Variants in PTPRS observed in about 807,000 individuals in gnomAD.
The protein encoded by PTPRS is receptor-type tyrosine-protein phosphatase S.
In PTPRS, 63 loss-of-function variants were observed where a neutral mutation model predicts 215.3. That is an observed-to-expected ratio of 0.29 (90% CI 0.24 to 0.36). PTPRS has a LOEUF of 0.36. Ranked by LOEUF, PTPRS falls within the 10% of genes least tolerant of loss-of-function variation. The pLI, the probability that PTPRS is intolerant of heterozygous loss-of-function variation, is 1.00. For synonymous variants in PTPRS, 1,404 were observed against 1,191.4 expected, an observed-to-expected ratio of 1.18 and a Z score of -3.68; for missense variants, 2,258 against 2,825.8, an observed-to-expected ratio of 0.80 and a Z score of 4.56.
At chr19:5,252,122 T>C (rs1048999819) in intron 9 of PTPRS, among the ~76,000 whole-genome samples, 2 of 152,134 alleles carry the variant, frequency 1.3e-5, no homozygotes, top group Admixed American at 1.3e-4. Context: ...TCACAAATAC[T>C]GAAAAAGAAG....
At chr19:5,264,005 G>A (rs887281333) in intron 5 of PTPRS, among the ~76,000 whole-genome samples, 20 of 152,184 alleles carry the variant, frequency 1.3e-4, no homozygotes, top group African/African-American at 4.8e-4. Flanking sequence ...CCAGACAGAT[G>A]GACCCACAGA....
intron 1 of PTPRS, among the ~76,000 whole-genome samples, chr19:5,313,460 G>A (rs1203927908): frequency 5.0e-4 from 76 of 152,166 alleles, no homozygotes; most frequent in Non-Finnish European, 2.1e-4. Flanking sequence ...GCTGGGGAGC[G>A]AGGCGGCTGG....
Position 5,302,939 on chromosome 19 carries a change from G to A in PTPRS, c.-94-16705C>T, listed in dbSNP as rs1451783251. Among the ~76,000 whole-genome samples, 9 of 151,398 alleles carry A rather than the reference G, an allele frequency of 5.9e-5. No individual in the cohort carries two copies. In the South Asian group the frequency reaches 6.3e-4, roughly 11 times the overall value. On this transcript the variant is annotated intron_variant, in intron 1 of 37. Transcript: ENST00000262963. ...AAAAAAATTAGCCAGGTGTGGTGGC[G>A]GGCGCCTGTAGTCCCAGCTACTCGG...
At chr19:5,207,863 AGCTTAGGG>A in intron 37 of PTPRS, 51 bp downstream of exon 37, 1 of 1,589,722 alleles carries the variant, frequency 6.3e-7, no homozygotes, top group Non-Finnish European at 8.6e-7. Flanking sequence ...AGGAAACTGG[AGCTTAGGG>A]GCAGTCGGGG....
chr19:5,223,139 G>C lies in PTPRS; in HGVS notation c.2653C>G (p.Pro885Ala). 1 of 1,571,342 alleles carries C rather than the reference G, an allele frequency of 6.4e-7. No individual in the cohort carries two copies. ...STPLATLEFP[P>A]SEDRYTASGV... ...GATGCCGTGTAGCGGTCCTCGGAGG[G>C]CGGGAACTCCAGGGTGGCCAGGGGC... The change falls in exon 18 of 38, where the codon CCC (proline) becomes GCC (alanine). Residue 885 changes from proline to alanine, a missense_variant. Transcript: ENST00000262963.
At chr19:5,328,695 T>C (rs1183600573) in intron 1 of PTPRS, among the ~76,000 whole-genome samples, 4 of 151,744 alleles carry the variant, frequency 2.6e-5, no homozygotes, top group African/African-American at 4.8e-5. Flanking sequence ...TTTGGGAGGC[T>C]GAGACAGGTG....
chr19:5,297,795 T>C (rs530136056), intron 1 of PTPRS, among the ~76,000 whole-genome samples: 184 of 124,530 alleles, frequency 1.5e-3, no homozygotes, highest in African/African-American at 6.1e-3. Context: ...TCTTTTCTTT[T>C]TTTTTTTTTT....
chr19:5,253,398 T>G (rs2045304928), intron 9 of PTPRS, among the ~76,000 whole-genome samples: 1 of 152,252 alleles, frequency 6.6e-6, no homozygotes, highest in Non-Finnish European at 1.5e-5. Context: ...TTCCTGTGAC[T>G]GGCTGCTCTG....
chr19:5,209,275 C>CTCTGCCA (rs2144958604), intron 35 of PTPRS, among the ~76,000 whole-genome samples: 1 of 152,288 alleles, frequency 6.6e-6, no homozygotes, highest in South Asian at 2.1e-4. Context: ...CCACATCATT[C>CTCTGCCA]TCTGCCATCT....
At chr19:5,308,875 G>A (rs577724525) in intron 1 of PTPRS, among the ~76,000 whole-genome samples, 4 of 152,174 alleles carry the variant, frequency 2.6e-5, no homozygotes, top group Admixed American at 2.6e-4. Flanking sequence ...ACTAATTTTT[G>A]TATGTTCGTG....
At chr19:5,269,202 A>C (rs907934374) in intron 4 of PTPRS, among the ~76,000 whole-genome samples, 1 of 152,062 alleles carries the variant, frequency 6.6e-6, no homozygotes, top group Non-Finnish European at 1.5e-5. Context: ...CCACGTGTCC[A>C]CACGTGAGCA....
At position 5,219,531 on chromosome 19, in the gene PTPRS, T is replaced by C. The variant is rs893237948; in HGVS notation, c.3766-64A>G. 74 of 1,488,780 alleles carry C rather than the reference T, an allele frequency of 5.0e-5. No homozygotes were observed. The African/African-American group carries it at 9.8e-4, about 20-fold the overall frequency. The allele number at this position is 1,488,780 out of a possible 1,614,324, so 92.2% of individuals were successfully genotyped here. ...CTCCTTGTAGTGGCCAGATGGGTCT[T>C]TCTCAAACATGAACCTACGTTTCTC... On this transcript the variant is annotated intron_variant, in intron 22 of 37. Transcript: ENST00000262963.
At chr19:5,258,207 T>A in intron 7 of PTPRS, 80 bp from the exon 8 acceptor site, 26 of 1,188,070 alleles carry the variant, frequency 2.2e-5, no homozygotes, top group Non-Finnish European at 2.6e-5. Context: ...ACCAGAGTGC[T>A]CTCTGGCCTG....
chr19:5,322,294 T>C (rs1213728875), intron 1 of PTPRS, among the ~76,000 whole-genome samples: 1 of 151,866 alleles, frequency 6.6e-6, no homozygotes, highest in East Asian at 1.9e-4. Flanking sequence ...AAAAGGGAGG[T>C]AATATCACCT....
chr19:5,213,058 T>C (rs1238600247), intron 30 of PTPRS, among the ~76,000 whole-genome samples: 1 of 151,844 alleles, frequency 6.6e-6, no homozygotes, highest in African/African-American at 2.4e-5. Flanking sequence ...AGCTTGGGAG[T>C]CACCCTTAAC....
intron 16 of PTPRS, among the ~76,000 whole-genome samples, chr19:5,228,892 G>C (rs1352715068): frequency 2.6e-5 from 4 of 152,248 alleles, no homozygotes. Context: ...TCCAGAGAGA[G>C]GCATTTCTAG....
chr19:5,235,022 G>T (rs1377859840), intron 13 of PTPRS, among the ~76,000 whole-genome samples: 2 of 150,604 alleles, frequency 1.3e-5, no homozygotes, highest in Admixed American at 6.6e-5. Context: ...CTCACTGCAA[G>T]CTCTGCTGCT....
intron 2 of PTPRS, among the ~76,000 whole-genome samples, chr19:5,280,456 T>C (rs536558602): frequency 6.6e-6 from 1 of 152,268 alleles, no homozygotes; most frequent in African/African-American, 2.4e-5. Context: ...TGGTGGCTCA[T>C]GCCTGTAATC....
At chr19:5,215,713 T>G in intron 26 of PTPRS, 118 bp from the exon 27 acceptor site, 13 of 702,898 alleles carry the variant, frequency 1.8e-5, no homozygotes, top group Admixed American at 2.7e-5. Context: ...TAGAAGGGCA[T>G]GGCCGGGGTG....
Sources: allele counts gnomAD v4.1 joint callset (sites outside exome capture counted in the v4.1 genomes callset), GRCh38; gene constraint gnomAD v4.1.1; transcripts MANE v1.5; gene names NCBI Gene and HGNC (gene_info 2026-07-23, HGNC 2026-07-21).